The following LIMD2 variants were observed in gnomAD, a reference collection of about 807,000 sequenced individuals.
LIMD2 encodes the protein LIM domain-containing protein 2.
A neutral mutation model predicts 16.0 loss-of-function variants in LIMD2; 11 were observed. That is an observed-to-expected ratio of 0.69 (90% CI 0.43 to 1.14). The LOEUF is 1.14. Ranked by LOEUF, LIMD2 falls within the 50% of genes most tolerant of loss-of-function variation. LIMD2 has a pLI of 0.00. For missense variants in LIMD2, 168 were observed against 165.8 expected (o/e 1.01, Z -0.07); for synonymous variants, 60 against 67.1 (o/e 0.89, Z 0.52).
chr17:63,698,907 G>A lies in LIMD2; in HGVS notation c.116C>T (p.Thr39Ile). The change falls in exon 4 of 5, where the codon ACC becomes ATC. Residue 39 changes from threonine to isoleucine, a missense_variant. Thr to Ile is a moderately conservative substitution (Grantham distance 89, BLOSUM62 -1). Coordinates refer to ENST00000259006, the MANE Select transcript of LIMD2 (RefSeq NM_030576.4). The stretch of plus-strand genomic sequence containing the variant: ...CACGGTCTTCTGGCAGGCGGCGCAG[G>A]TCTCCTTCACCTGGGCCCGCAGGCT... ...SFSLRAQVKETCAACQKTVYP... is the reference protein window; with the variant it reads ...SFSLRAQVKEICAACQKTVYP... 1.9e-6 allele frequency: 3 copies of A among 1,612,804 alleles called. No individual in the cohort carries two copies. The South Asian group carries it at 3.3e-5, about 18-fold the overall frequency.
In LIMD2 at chr17:63,699,232, C is replaced by G. The variant is rs1360645781; in HGVS notation, c.42+25G>C. The G allele has an allele frequency of 9.9e-6, 16 of 1,610,310 alleles. No individual in the cohort carries two copies. In the Admixed American group the frequency reaches 2.5e-4, roughly 25 times the overall value. On this transcript the variant is annotated intron_variant, in intron 2 of 4. Transcript: ENST00000259006. ...CCAGGCCAGGCTCCTGTCCGGGGGG[C>G]CCTCCCACCCAGCCGGGCACTTACA...
intron 1 of LIMD2, chr17:63,699,579 C>T (rs2035752921): frequency 5.0e-6 from 2 of 403,716 alleles, no homozygotes; most frequent in African/African-American, 2.1e-5. Context: ...TTAGCGGGAG[C>T]GGAGGGGCCG....
At chr17:63,699,811 G>A (rs1487160013) in intron 1 of LIMD2, 10 of 299,452 alleles carry the variant, frequency 3.3e-5, no homozygotes, top group Admixed American at 7.6e-5. Flanking sequence ...ACCTGGCCCC[G>A]CGAGGACCGG....
At chr17:63,699,443 TG>T in intron 1 of LIMD2, 95 bp from the exon 2 acceptor site, 1 of 1,233,424 alleles carries the variant, frequency 8.1e-7, no homozygotes, top group Non-Finnish European at 1.1e-6. Flanking sequence ...GGATTGCGGT[TG>T]GGACTTTCCC....
Position 63,698,388 on chromosome 17 carries a change from G to A in LIMD2, c.*164C>T, listed in dbSNP as rs2035725036. On this transcript the variant is annotated 3_prime_UTR_variant, in exon 5 of 5. Transcript: ENST00000259006. ...CCCTCACCGGCTGCGGGAGAAGGAA[G>A]AAGGAAGGAGTCCTGGAGCAGAGCC... 1 of 794,280 alleles carries A rather than the reference G, an allele frequency of 1.3e-6. No individual in the cohort carries two copies. Among genetic ancestry groups the A allele is most frequent in the African/African-American group, 1.7e-5 (1 of 57,356 alleles). 49.2% of individuals were successfully genotyped at this position (794,280 alleles called of 1,614,324 possible).
At chr17:63,699,660 G>C (rs2035754619) in intron 1 of LIMD2, 1 of 279,374 alleles carries the variant, frequency 3.6e-6, no homozygotes, top group Non-Finnish European at 5.7e-6. Context: ...GGTCGGGGCC[G>C]GCGGGGCCGC....
intron 1 of LIMD2, 160 bp from the exon 2 acceptor site, chr17:63,699,508 C>G: frequency 1.6e-6 from 1 of 632,938 alleles, no homozygotes; most frequent in Non-Finnish European, 2.6e-6. Context: ...CACCCACCTC[C>G]CCCACCCCTG....
chr17:63,700,807 G>GCCGGGCAGC (rs1555695675), upstream of LIMD2: 1 of 150,922 alleles, frequency 6.6e-6, no homozygotes, highest in Non-Finnish European at 1.5e-5. This position sits in a 1 kb window ranked among gnomAD's most constrained non-coding sequence, Gnocchi z 7.1. Context: ...CTGCACGAGG[G>GCCGGGCAGC]CCCGGCAGCC....
At chr17:63,699,410 G>T in intron 1 of LIMD2, 62 bp from the exon 2 acceptor site, 5 of 1,455,948 alleles carry the variant, frequency 3.4e-6, no homozygotes, top group Non-Finnish European at 4.6e-6. Context: ...AGGGTGGGGG[G>T]TGTTGACAGG....
chr17:63,700,810 C>G (rs923608143), upstream of LIMD2: 3 of 151,686 alleles, frequency 2.0e-5, no homozygotes, highest in East Asian at 1.9e-4. The surrounding 1 kb of genome is among the most constrained non-coding windows in gnomAD (Gnocchi z 7.1). Flanking sequence ...CACGAGGGCC[C>G]GGCAGCCCCG....
intron 4 of LIMD2, 42 bp downstream of exon 4, chr17:63,698,757 G>A: frequency 3.1e-6 from 5 of 1,612,950 alleles, no homozygotes; most frequent in East Asian, 4.5e-5. Flanking sequence ...GGTCGGGGCT[G>A]GGTTGGCAGG....
At chr17:63,700,273 T>C, upstream of LIMD2, 1 of 488,014 alleles carries the variant, frequency 2.0e-6, no homozygotes, top group Non-Finnish European at 2.6e-6. This position sits in a 1 kb window ranked among gnomAD's most constrained non-coding sequence, Gnocchi z 7.1. Flanking sequence ...TGTCTTCCCC[T>C]CGCCGCCGTC....
Position 63,698,508 on chromosome 17 carries a change from C to T in LIMD2, c.*44G>A, listed in dbSNP as rs763592572. ...GACCTCCTTCCCACCTTCCCCCTGC[C>T]GGCTCCAGGCCTTCCGCAGAGGGGG... On this transcript the variant is annotated 3_prime_UTR_variant, in exon 5 of 5. Transcript: ENST00000259006. 1.3e-6 allele frequency: 2 copies of T among 1,599,194 alleles called. No homozygotes were observed. Among genetic ancestry groups the T allele is most frequent in the East Asian group, 2.2e-5 (1 of 44,538 alleles).
In LIMD2 at chr17:63,696,654, C is replaced by T. The variant is rs1366185227; in HGVS notation, c.*1898G>A. Reference sequence around the variant, plus strand: ...TCTTCCTGGCCCAGAGGACTTCCTTCAGTCCCATCTTTGCAGGGCAGGGGT... The same window carrying T: ...TCTTCCTGGCCCAGAGGACTTCCTTTAGTCCCATCTTTGCAGGGCAGGGGT... On this transcript the variant is annotated 3_prime_UTR_variant, in exon 5 of 5. Coordinates refer to ENST00000259006, the MANE Select transcript of LIMD2 (RefSeq NM_030576.4). The T allele has an allele frequency of 6.6e-6, 1 of 152,334 alleles. No individual in the cohort carries two copies. Among genetic ancestry groups the T allele is most frequent in the Non-Finnish European group, 1.5e-5 (1 of 68,130 alleles). 9.4% of individuals were successfully genotyped at this position (152,334 alleles called of 1,614,324 possible). A position where few individuals can be genotyped will look rare whatever the true frequency, so the allele number is the denominator to read the frequency against.
chr17:63,700,159 T>C (rs1598136713), upstream of LIMD2: 1 of 981,726 alleles, frequency 1.0e-6, no homozygotes, highest in Non-Finnish European at 1.2e-6. This position sits in a 1 kb window ranked among gnomAD's most constrained non-coding sequence, Gnocchi z 7.1. Context: ...GCCTTATCGC[T>C]GCACCGCCCC....
At position 63,698,501 on chromosome 17, in the gene LIMD2, C is replaced by G. The variant is rs1003885657; in HGVS notation, c.*51G>C. On this transcript the variant is annotated 3_prime_UTR_variant, in exon 5 of 5. Transcript: ENST00000259006. Reference sequence around the variant, plus strand: ...CCAGCTCGACCTCCTTCCCACCTTCCCCCTGCCGGCTCCAGGCCTTCCGCA... The same window carrying G: ...CCAGCTCGACCTCCTTCCCACCTTCGCCCTGCCGGCTCCAGGCCTTCCGCA... 9.4e-6 allele frequency: 15 copies of G among 1,591,508 alleles called. No individual in the cohort carries two copies. Among genetic ancestry groups the G allele is most frequent in the Non-Finnish European group, 1.3e-5 (15 of 1,169,384 alleles).
upstream of LIMD2, chr17:63,700,240 G>A (rs2035765744): frequency 2.6e-5 from 21 of 813,746 alleles, no homozygotes; most frequent in Non-Finnish European, 3.1e-5. The surrounding 1 kb of genome is among the most constrained non-coding windows in gnomAD (Gnocchi z 7.1). Flanking sequence ...CCCCGGCGCC[G>A]CCGCCGACCC....
In LIMD2 at chr17:63,698,315, C is replaced by G. The variant is rs765289262; in HGVS notation, c.*237G>C. 1.7e-6 allele frequency: 1 copy of G among 577,514 alleles called. No individual in the cohort carries two copies. The highest frequency in any genetic ancestry group is 2.1e-5 in the South Asian group (1 of 47,334). 35.8% of individuals were successfully genotyped at this position (577,514 alleles called of 1,614,324 possible). The stretch of plus-strand genomic sequence containing the variant: ...GGGTGAGGTGGGGAGGGAGGCTGAA[C>G]GAAGCAGGAAGCAGGGTGGTGGGCA... On this transcript the variant is annotated 3_prime_UTR_variant, in exon 5 of 5. Coordinates refer to ENST00000259006, the MANE Select transcript of LIMD2 (RefSeq NM_030576.4).
chr17:63,699,776 C>G, intron 1 of LIMD2: 2 of 348,958 alleles, frequency 5.7e-6, no homozygotes, highest in Non-Finnish European at 8.1e-6. Context: ...CCGAGGTCCC[C>G]GCCCGCCCCG....
Sources: allele counts gnomAD v4.1 joint callset, GRCh38; gene constraint gnomAD v4.1.1; non-coding constraint Gnocchi (gnomAD v3.1); transcripts MANE v1.5; gene names NCBI Gene and HGNC (gene_info 2026-07-23, HGNC 2026-07-21).